The following TOX2 variants were observed in gnomAD, a reference collection of about 807,000 sequenced individuals.
TOX2 encodes TOX high mobility group box family member 2.
Under a neutral mutation model 47.4 loss-of-function variants are expected in TOX2, and 15 were observed. The observed-to-expected ratio is 0.32, with a 90% CI of 0.21 to 0.49. TOX2 has a LOEUF of 0.49. TOX2 is among the 20% of genes least tolerant of loss of function. The probability of loss-of-function intolerance (pLI) is 0.99; values close to 1 mark genes in which losing one functional copy is unlikely to be tolerated. For missense variants in TOX2, 622 were observed against 673.1 expected, an observed-to-expected ratio of 0.92 and a Z score of 0.84; for synonymous variants, 290 against 296.6, an observed-to-expected ratio of 0.98 and a Z score of 0.23.
At chr20:43,940,902 G>C (rs2069394873) in intron 1 of TOX2, among the ~76,000 whole-genome samples, 1 of 152,164 alleles carries the variant, frequency 6.6e-6, no homozygotes, top group Non-Finnish European at 1.5e-5. Context: ...TGCTGACGGG[G>C]GCATCACAAT....
intron 3 of TOX2, among the ~76,000 whole-genome samples, chr20:44,020,865 C>T (rs1381935433): frequency 1.3e-5 from 2 of 152,166 alleles, no homozygotes; most frequent in Non-Finnish European, 1.5e-5. Flanking sequence ...TTTCATCACA[C>T]TGAGGATGGT....
chr20:43,981,716 A>G (rs992804588), intron 2 of TOX2, among the ~76,000 whole-genome samples: 1 of 152,224 alleles, frequency 6.6e-6, no homozygotes, highest in Admixed American at 6.5e-5. Context: ...GAAAGTTGAA[A>G]TGTGTCCAGT....
At chr20:44,015,665 C>T (rs569371614) in intron 3 of TOX2, among the ~76,000 whole-genome samples, 1 of 152,244 alleles carries the variant, frequency 6.6e-6, no homozygotes, top group South Asian at 2.1e-4. Context: ...TTTACTGGAA[C>T]ATTATGATGT....
chr20:43,958,274 C>T (rs915259642), intron 1 of TOX2, among the ~76,000 whole-genome samples: 1 of 152,182 alleles, frequency 6.6e-6, no homozygotes, highest in African/African-American at 2.4e-5. Context: ...ATTGGGCATC[C>T]TTCCATTACT....
rs2069043772 is a variant in TOX2 at position 43,915,337 on chromosome 20, T to C, written c.99+347T>C. ...CGTCCCACGCAAGTCACCCTGACAGTCACTTATACACAACGACACGCAACC... is the reference window on the plus strand; with the variant it reads ...CGTCCCACGCAAGTCACCCTGACAGCCACTTATACACAACGACACGCAACC... On this transcript the variant is annotated intron_variant, in intron 1 of 8. Transcript: ENST00000341197. This position sits in a 1 kb window ranked among gnomAD's most constrained non-coding sequence, Gnocchi z 7.1. Among the ~76,000 whole-genome samples the C allele has an allele frequency of 6.6e-6, 1 of 151,632 alleles. No homozygotes were observed. Among genetic ancestry groups the C allele is most frequent in the Non-Finnish European group, 1.5e-5 (1 of 67,914 alleles).
intron 3 of TOX2, among the ~76,000 whole-genome samples, chr20:44,010,607 G>A (rs2070762323): frequency 6.6e-6 from 1 of 152,180 alleles, no homozygotes; most frequent in Admixed American, 6.5e-5. Context: ...CAGGACAAAG[G>A]GGCGTGGCTC....
intron 2 of TOX2, among the ~76,000 whole-genome samples, chr20:43,976,803 CAT>C (rs1491023178): frequency 2.0e-5 from 3 of 149,698 alleles, no homozygotes; most frequent in African/African-American, 5.0e-5. Context: ...CACACACACA[CAT>C]ACACACATAC....
intron 5 of TOX2, among the ~76,000 whole-genome samples, chr20:44,059,700 A>G (rs908899755): frequency 6.6e-6 from 1 of 152,196 alleles, no homozygotes; most frequent in Non-Finnish European, 1.5e-5. Context: ...TTTCAAAGCA[A>G]TGCTGAGAGA....
At chr20:43,938,131 A>G (rs1024423121) in intron 1 of TOX2, among the ~76,000 whole-genome samples, 3 of 152,162 alleles carry the variant, frequency 2.0e-5, no homozygotes, top group African/African-American at 7.2e-5. Context: ...TGCACGGTGG[A>G]GTGAAGCAAA....
At chr20:44,008,567 A>T (rs1363193634) in intron 3 of TOX2, among the ~76,000 whole-genome samples, 10 of 152,128 alleles carry the variant, frequency 6.6e-5, no homozygotes, top group Admixed American at 3.3e-4. Flanking sequence ...CTCAAAAAAA[A>T]AAAAATAATA....
chr20:43,957,360 A>C (rs766301041), intron 1 of TOX2, among the ~76,000 whole-genome samples: 1 of 152,244 alleles, frequency 6.6e-6, no homozygotes, highest in Non-Finnish European at 1.5e-5. Flanking sequence ...GACAAAATAT[A>C]GTAGCTGTTA....
At chr20:44,012,950 C>G (rs940728947) in intron 3 of TOX2, among the ~76,000 whole-genome samples, 14 of 152,332 alleles carry the variant, frequency 9.2e-5, no homozygotes, top group African/African-American at 7.2e-5. Flanking sequence ...GCCCAGGGTC[C>G]CCCACCCCAA....
At position 43,916,439 on chromosome 20, in the gene TOX2, A is replaced by G. The variant is rs1160299787; in HGVS notation, c.99+1449A>G. Among the ~76,000 whole-genome samples the G allele has an allele frequency of 6.6e-6, 1 of 152,154 alleles. No individual in the cohort carries two copies. Among genetic ancestry groups the G allele is most frequent in the Non-Finnish European group, 1.5e-5 (1 of 68,008 alleles). On this transcript the variant is annotated intron_variant, in intron 1 of 8. Coordinates refer to ENST00000341197, the MANE Select transcript of TOX2 (RefSeq NM_001098797.2). This position sits in a 1 kb window ranked among gnomAD's most constrained non-coding sequence, Gnocchi z 5.0. ...AGGGGCAGCAAGCATCCAGGCCACTAGGGCCTGCGCGATGTGGGGCGGTGG... is the reference window on the plus strand; with the variant it reads ...AGGGGCAGCAAGCATCCAGGCCACTGGGGCCTGCGCGATGTGGGGCGGTGG...
chr20:43,962,519 A>C (rs942347172), intron 1 of TOX2, among the ~76,000 whole-genome samples: 2 of 152,242 alleles, frequency 1.3e-5, no homozygotes, highest in Non-Finnish European at 1.5e-5. Flanking sequence ...GCTTCAGGGC[A>C]GAGCCCTAGA....
chr20:44,055,021 G>T (rs2071593360), intron 5 of TOX2, among the ~76,000 whole-genome samples: 1 of 152,172 alleles, frequency 6.6e-6, no homozygotes. Context: ...TTAAAACAGG[G>T]GTGCTGGCTA....
chr20:44,051,241 C>T (rs2071503348), intron 3 of TOX2, 65 bp from the exon 4 acceptor site: 2 of 1,539,368 alleles, frequency 1.3e-6, no homozygotes, highest in Non-Finnish European at 1.8e-6. Context: ...AGTCCGCTAG[C>T]ACAGATGTGA....
At chr20:44,057,515 C>T (rs1460375141) in intron 5 of TOX2, among the ~76,000 whole-genome samples, 2 of 151,316 alleles carry the variant, frequency 1.3e-5, no homozygotes, top group Admixed American at 6.6e-5. Flanking sequence ...CTTGCCTATC[C>T]CCCAAAAGTT....
chr20:43,933,511 G>A (rs540320022), intron 1 of TOX2, among the ~76,000 whole-genome samples: 3 of 151,378 alleles, frequency 2.0e-5, no homozygotes, highest in Admixed American at 1.3e-4. Flanking sequence ...AGGGGGCCAT[G>A]CTTTGAGAAT....
rs142076692 is a variant in TOX2, at chr20:44,026,942, C to T, written c.411+20150C>T. ...CTCCCCACCTTGGGCATTTCAGTCT[C>T]GGCTTAACCAGCCACTTCAACACAG... is the stretch of plus-strand genomic sequence containing the variant. On this transcript the variant is annotated intron_variant, in intron 3 of 8. Transcript: ENST00000341197. Among the ~76,000 whole-genome samples the T allele has an allele frequency of 9.7e-3, 1,474 of 152,292 alleles. 20 individuals carry two copies. Among genetic ancestry groups the T allele is most frequent in the South Asian group, 0.048 (231 of 4,824 alleles).
Sources: allele counts gnomAD v4.1 joint callset (sites outside exome capture counted in the v4.1 genomes callset), GRCh38; gene constraint gnomAD v4.1.1; non-coding constraint Gnocchi (gnomAD v3.1); transcripts MANE v1.5; gene names NCBI Gene and HGNC (gene_info 2026-07-23, HGNC 2026-07-21).